The following IL1RAPL2 variants were observed in gnomAD, a reference collection of about 807,000 sequenced individuals.
IL1RAPL2 encodes the protein interleukin 1 receptor accessory protein like 2.
Under a neutral mutation model 44.1 loss-of-function variants are expected in IL1RAPL2, and 3 were observed. The observed-to-expected ratio is 0.07, with a 90% CI of 0.03 to 0.18. The LOEUF (loss-of-function observed/expected upper bound fraction) is 0.18, where lower values mean the gene tolerates loss of function less well. Ranked by LOEUF, IL1RAPL2 falls within the 10% of genes least tolerant of loss-of-function variation. The pLI is 1.00. For missense variants in IL1RAPL2, 391 were observed against 496.4 expected, an observed-to-expected ratio of 0.79 and a Z score of 2.02; for synonymous variants, 181 against 178.8, an observed-to-expected ratio of 1.01 and a Z score of -0.10.
At chrX:105,538,414 GA>G (rs1343548525) in intron 6 of IL1RAPL2, among the ~76,000 whole-genome samples, 67 of 103,615 alleles carry the variant, frequency 6.5e-4, no homozygotes, top group Non-Finnish European at 1.1e-3. Context: ...TTTATAAAAA[GA>G]AAAAAAAAAC....
chrX:105,479,148 G>T (rs775247694), intron 5 of IL1RAPL2, among the ~76,000 whole-genome samples: 11 of 110,991 alleles, frequency 9.9e-5, no homozygotes, highest in Non-Finnish European at 1.9e-4. Context: ...GAAAGGGGGA[G>T]GTCTTAGAGT....
At chrX:105,766,921 C>A (rs1276926734) in intron 10 of IL1RAPL2, 43 bp from the exon 11 acceptor site, 1 of 971,604 alleles carries the variant, frequency 1.0e-6, no homozygotes, top group Non-Finnish European at 1.4e-6. Context: ...TAGAGACTGG[C>A]AATGTCTTTG....
intron 2 of IL1RAPL2, among the ~76,000 whole-genome samples, chrX:104,877,192 G>A (rs1445056401): frequency 5.4e-5 from 6 of 111,409 alleles, no homozygotes; most frequent in East Asian, 2.8e-4. Context: ...ATAAACATAC[G>A]GGTGCATGTG....
intron 6 of IL1RAPL2, among the ~76,000 whole-genome samples, chrX:105,665,339 G>A (rs772564929): frequency 1.4e-4 from 11 of 78,096 alleles, no homozygotes; most frequent in South Asian, 6.7e-4. Flanking sequence ...TATTTTATGC[G>A]CGTGCGTGTG....
chrX:104,805,354 C>T lies in IL1RAPL2; in HGVS notation c.82+146359C>T, dbSNP rs183746936. Among the ~76,000 whole-genome samples, 3 of 112,247 alleles carry T rather than the reference C, an allele frequency of 2.7e-5. No individual in the cohort carries two copies. In the East Asian group the frequency reaches 8.4e-4, roughly 31 times the overall value. ...CAGGTATAAATGGGTTTATTATTCA[C>T]TGTAATTATTCACTTACACATTGGA... On this transcript the variant is annotated intron_variant, in intron 2 of 10. Coordinates refer to ENST00000372582, the MANE Select transcript of IL1RAPL2 (RefSeq NM_017416.2).
chrX:104,817,630 A>C (rs61115262), intron 2 of IL1RAPL2, among the ~76,000 whole-genome samples: 336 of 111,645 alleles, frequency 3.0e-3, no homozygotes, highest in African/African-American at 0.01. Context: ...ATTCAACCCC[A>C]TGCTTTACCA....
intron 2 of IL1RAPL2, among the ~76,000 whole-genome samples, chrX:105,149,706 A>G (rs1258994223): frequency 9.1e-6 from 1 of 110,296 alleles, no homozygotes; most frequent in Non-Finnish European, 1.9e-5. Context: ...GTTAACAGGC[A>G]TCTGTAATCC....
chrX:104,723,205 T>A (rs750232821), intron 2 of IL1RAPL2, among the ~76,000 whole-genome samples: 1 of 111,488 alleles, frequency 9.0e-6, no homozygotes, highest in African/African-American at 3.2e-5. Flanking sequence ...AACTGCTAGA[T>A]TGAGTCTTGC....
chrX:105,595,988 T>C (rs2037206820), intron 6 of IL1RAPL2, among the ~76,000 whole-genome samples: 1 of 111,587 alleles, frequency 9.0e-6, no homozygotes, highest in African/African-American at 3.2e-5. Flanking sequence ...TACGCAACCA[T>C]TTTAATATCT....
chrX:104,781,080 T>TTG (rs1932770165), intron 2 of IL1RAPL2, among the ~76,000 whole-genome samples: 1 of 110,522 alleles, frequency 9.0e-6, no homozygotes, highest in Admixed American at 9.7e-5. Flanking sequence ...TTTTTTTTTT[T>TTG]GTTAGTCAGA....
chrX:105,084,002 A>T (rs1360899179), intron 2 of IL1RAPL2, among the ~76,000 whole-genome samples: 1 of 112,425 alleles, frequency 8.9e-6, no homozygotes, highest in Non-Finnish European at 1.9e-5. Flanking sequence ...AGCTTTGACA[A>T]CTTCCACATG....
chrX:105,474,884 A>G (rs1402154192), intron 5 of IL1RAPL2, among the ~76,000 whole-genome samples: 1 of 110,476 alleles, frequency 9.1e-6, no homozygotes, highest in East Asian at 3.0e-4. Context: ...AACAGTCTTA[A>G]AAAAAAACAC....
intron 6 of IL1RAPL2, among the ~76,000 whole-genome samples, chrX:105,669,088 C>T (rs1337828471): frequency 9.0e-6 from 1 of 111,589 alleles, no homozygotes; most frequent in African/African-American, 3.3e-5. Context: ...CAAGCTGCAG[C>T]TCACAATTAG....
chrX:104,898,653 T>C (rs1335393538), intron 2 of IL1RAPL2, among the ~76,000 whole-genome samples: 1 of 112,406 alleles, frequency 8.9e-6, no homozygotes, highest in East Asian at 2.8e-4. Flanking sequence ...ATAATGACAC[T>C]GTAGAAATGA....
At chrX:104,855,480 G>C (rs1263291014) in intron 2 of IL1RAPL2, among the ~76,000 whole-genome samples, 1 of 110,770 alleles carries the variant, frequency 9.0e-6, no homozygotes, top group Non-Finnish European at 1.9e-5. Flanking sequence ...GGTCAGTATA[G>C]CAAAGGTGAA....
intron 2 of IL1RAPL2, among the ~76,000 whole-genome samples, chrX:105,177,098 G>A (rs2033481657): frequency 9.0e-6 from 1 of 110,726 alleles, no homozygotes; most frequent in Admixed American, 9.6e-5. Flanking sequence ...AGGCCACACA[G>A]CAGGAGGTGA....
At chrX:104,679,481 G>A (rs1472220798) in intron 2 of IL1RAPL2, among the ~76,000 whole-genome samples, 1 of 111,971 alleles carries the variant, frequency 8.9e-6, no homozygotes, top group Admixed American at 9.5e-5. Flanking sequence ...ACAAGAACAA[G>A]GAAGAGAATA....
intron 2 of IL1RAPL2, among the ~76,000 whole-genome samples, chrX:104,726,664 A>G (rs1931800234): frequency 9.0e-6 from 1 of 111,344 alleles, no homozygotes; most frequent in African/African-American, 3.3e-5. Flanking sequence ...GAGTTTGCTC[A>G]TGATTTGGCT....
intron 2 of IL1RAPL2, among the ~76,000 whole-genome samples, chrX:104,701,980 C>A (rs1225553970): frequency 9.0e-6 from 1 of 111,411 alleles, no homozygotes; most frequent in Non-Finnish European, 1.9e-5. Flanking sequence ...AACAGTTGGT[C>A]TGCAAAATTT....
Sources: allele counts gnomAD v4.1 joint callset (sites outside exome capture counted in the v4.1 genomes callset), GRCh38; gene constraint gnomAD v4.1.1; transcripts MANE v1.5; gene names NCBI Gene and HGNC (gene_info 2026-07-23, HGNC 2026-07-21).